The following ETFA variants were observed in gnomAD, a reference collection of about 807,000 sequenced individuals.
The protein encoded by ETFA is electron transfer flavoprotein subunit alpha, also known as electron transfer flavoprotein subunit alpha, mitochondrial.
ETFA carries 22 observed loss-of-function variants against 46.2 expected under a neutral mutation model. The ratio of observed to expected loss-of-function variants is 0.48; its 90% CI spans 0.34 to 0.68. ETFA has a LOEUF of 0.68. ETFA is among the 30% of genes least tolerant of loss of function. ETFA has a pLI of 0.01. For synonymous variants in ETFA, 131 were observed against 139.9 expected (o/e 0.94, Z 0.45); for missense variants, 345 against 401.1 (o/e 0.86, Z 1.19).
At chr15:76,295,472 T>C (rs1475613600) in intron 2 of ETFA, 119 bp downstream of exon 2, 3 of 855,056 alleles carry the variant, frequency 3.5e-6, no homozygotes, top group Non-Finnish European at 6.1e-6. Context: ...ACACTGACCA[T>C]TTAATGAGGA....
chr15:76,244,042 C>T (rs918311403), intron 9 of ETFA, among the ~76,000 whole-genome samples: 1 of 151,978 alleles, frequency 6.6e-6, no homozygotes, highest in Non-Finnish European at 1.5e-5. Flanking sequence ...TGTGCCACCA[C>T]TCCCAGCTAA....
chr15:76,263,549 G>A (rs1354267987), intron 9 of ETFA, among the ~76,000 whole-genome samples: 1 of 152,212 alleles, frequency 6.6e-6, no homozygotes, highest in Non-Finnish European at 1.5e-5. Context: ...GTGAAAGTTA[G>A]TACTCAGAAT....
intron 9 of ETFA, among the ~76,000 whole-genome samples, chr15:76,245,831 G>A (rs559851348): frequency 6.6e-6 from 1 of 152,230 alleles, no homozygotes; most frequent in African/African-American, 2.4e-5. Context: ...GCTAATAGAA[G>A]GCAATCTAGA....
At chr15:76,281,442 T>G (rs1186447854) in intron 8 of ETFA, among the ~76,000 whole-genome samples, 2 of 152,124 alleles carry the variant, frequency 1.3e-5, no homozygotes, top group East Asian at 3.9e-4. Context: ...TTTTTTTTTT[T>G]TGAGACAGAG....
intron 9 of ETFA, among the ~76,000 whole-genome samples, chr15:76,246,472 G>A (rs1459157487): frequency 6.6e-6 from 1 of 152,160 alleles, no homozygotes; most frequent in East Asian, 1.9e-4. Flanking sequence ...TAATTTCCTT[G>A]AAATGAAGGA....
chr15:76,291,170 C>T (rs1284176196), intron 4 of ETFA, among the ~76,000 whole-genome samples: 3 of 152,106 alleles, frequency 2.0e-5, no homozygotes, highest in African/African-American at 7.2e-5. Flanking sequence ...GAGCTACAAT[C>T]GTGCCACTGC....
chr15:76,306,750 A>G (rs1244021290), intron 1 of ETFA, among the ~76,000 whole-genome samples: 4 of 152,226 alleles, frequency 2.6e-5, no homozygotes, highest in Non-Finnish European at 5.9e-5. Context: ...AATAAAATAT[A>G]GCAGCTTTTA....
chr15:76,262,449 C>A (rs12592501), intron 9 of ETFA, among the ~76,000 whole-genome samples: 60,539 of 147,878 alleles, frequency 0.41, 14,704 homozygotes, highest in Middle Eastern at 0.57. Flanking sequence ...AAGACACACC[C>A]CTAGGTATAC....
At chr15:76,292,369 G>T in intron 4 of ETFA, 62 bp downstream of exon 4, 1 of 1,128,034 alleles carries the variant, frequency 8.9e-7, no homozygotes, top group Non-Finnish European at 1.4e-6. Flanking sequence ...CATACTTTCA[G>T]CACAATGAAA....
chr15:76,248,378 T>G lies in ETFA; in HGVS notation c.817-16980A>C, dbSNP rs1211932369. ...ACTCACTTCACATTAAACATAAAAA[T>G]CAAATCAAGTAGATTATAATTATAA... On this transcript the variant is annotated intron_variant, in intron 9 of 11. Transcript: ENST00000557943. Among the ~76,000 whole-genome samples, 4 of 152,128 alleles carry G rather than the reference T, an allele frequency of 2.6e-5. No individual in the cohort carries two copies. In the East Asian group the frequency reaches 7.7e-4, roughly 29 times the overall value.
intron 9 of ETFA, among the ~76,000 whole-genome samples, chr15:76,270,315 G>C (rs1035802800): frequency 6.6e-6 from 1 of 152,128 alleles, no homozygotes; most frequent in Non-Finnish European, 1.5e-5. Context: ...ATAGGAGAAA[G>C]GCATTACAAA....
At chr15:76,267,043 A>G (rs1294019892) in intron 9 of ETFA, among the ~76,000 whole-genome samples, 2 of 152,218 alleles carry the variant, frequency 1.3e-5, no homozygotes, top group South Asian at 2.1e-4. Context: ...TCTACTTTAC[A>G]AGGTGATTCT....
intron 10 of ETFA, 63 bp downstream of exon 10, chr15:76,231,270 C>G: frequency 9.9e-7 from 1 of 1,012,282 alleles, no homozygotes; most frequent in Admixed American, 1.7e-5. Context: ...TGGAAACATA[C>G]AAGGTAAGCC....
chr15:76,239,878 T>C (rs1377576060), intron 9 of ETFA, among the ~76,000 whole-genome samples: 1 of 152,124 alleles, frequency 6.6e-6, no homozygotes, highest in Non-Finnish European at 1.5e-5. Context: ...TAGCTCTGTG[T>C]CTCCTTATCA....
chr15:76,302,526 G>T (rs2039889862), intron 1 of ETFA, among the ~76,000 whole-genome samples: 1 of 142,756 alleles, frequency 7.0e-6, no homozygotes, highest in African/African-American at 2.6e-5. Flanking sequence ...TTTTGTTGTT[G>T]TTGTTTTGTT....
intron 9 of ETFA, among the ~76,000 whole-genome samples, chr15:76,238,104 TTA>T (rs1402588936): frequency 2.6e-5 from 4 of 152,166 alleles, no homozygotes; most frequent in Non-Finnish European, 4.4e-5. Context: ...TTATGTGAGT[TTA>T]TGATATAAAA....
chr15:76,227,530 G>GAAAAAAAAA (rs1567196426), intron 10 of ETFA, among the ~76,000 whole-genome samples: 91 of 44,978 alleles, frequency 2.0e-3, no homozygotes, highest in East Asian at 4.8e-3. Context: ...AAAAAAAAAG[G>GAAAAAAAAA]AAAAGCTATC....
chr15:76,292,136 C>T (rs1300164791), intron 4 of ETFA, among the ~76,000 whole-genome samples: 1 of 152,092 alleles, frequency 6.6e-6, no homozygotes, highest in Non-Finnish European at 1.5e-5. Flanking sequence ...GACTCTTGCT[C>T]GTTCACTCTC....
Position 76,249,435 on chromosome 15 carries a change from ATT to A in ETFA, c.817-18039_817-18038del, listed in dbSNP as rs375408996. ...GAACCACCACGCCCAGTCCATGGTA[ATT>A]TTTTTTTTTTTTTTTTTTTTTTTAG... On this transcript the variant is annotated intron_variant, in intron 9 of 11. Transcript: ENST00000557943. Among the ~76,000 whole-genome samples, 17 of 74,804 alleles carry A rather than the reference ATT, an allele frequency of 2.3e-4. 1 individual carries two copies. Among genetic ancestry groups the A allele is most frequent in the East Asian group, 6.8e-4 (2 of 2,944 alleles). The allele number at this position is 74,804 out of a possible 152,430, so 49.1% of individuals were successfully genotyped here. A position where few individuals can be genotyped will look rare whatever the true frequency, so the allele number is the denominator to read the frequency against.
Sources: allele counts gnomAD v4.1 joint callset (sites outside exome capture counted in the v4.1 genomes callset), GRCh38; gene constraint gnomAD v4.1.1; transcripts MANE v1.5; gene names NCBI Gene and HGNC (gene_info 2026-07-23, HGNC 2026-07-21).